Variants in RDX observed in about 807,000 individuals in gnomAD.
RDX encodes deafness, autosomal recessive 24.
In RDX, 32 loss-of-function variants were observed where a neutral mutation model predicts 83.7. The observed-to-expected ratio is 0.38, with a 90% CI of 0.29 to 0.51. The LOEUF (loss-of-function observed/expected upper bound fraction) is 0.51, where lower values mean the gene tolerates loss of function less well. Among genes scored for constraint, RDX ranks in the 20% least tolerant of loss-of-function variants. RDX has a pLI of 0.87. For missense variants in RDX, 600 were observed against 689.9 expected (o/e 0.87, Z 1.46); for synonymous variants, 229 against 222.7 (o/e 1.03, Z -0.25).
intron 8 of RDX, among the ~76,000 whole-genome samples, 169 bp downstream of exon 8, chr11:110,255,120 T>G (rs1217520436): frequency 6.6e-6 from 1 of 152,152 alleles, no homozygotes; most frequent in Non-Finnish European, 1.5e-5. Flanking sequence ...AATTAAATCT[T>G]TGGATTTTTA....
In RDX at chr11:110,182,370, G is replaced by A. The variant is rs1377271912; in HGVS notation, c.*32-7136C>T. Among the ~76,000 whole-genome samples, 4 of 152,342 alleles carry A rather than the reference G, an allele frequency of 2.6e-5. No individual in the cohort carries two copies. The East Asian group carries it at 7.7e-4, about 29-fold the overall frequency. On this transcript the variant is annotated intron_variant, in intron 15 of 15. Coordinates refer to the RDX transcript ENST00000528498. ...TAATCCCAGCACTTTGGGAAACCAA[G>A]GTCCTTGGATTGCTGGGCTCAGGAG... is the stretch of plus-strand genomic sequence containing the variant.
In RDX at chr11:110,233,372, G is replaced by A. The variant is rs147104445; in HGVS notation, c.1452C>T (p.Asn484=). ...TATTCTCATCGTGTTCATCATGTTCGTTTTCTGTTGGAGGAATGACTGGTG... is the reference window on the plus strand; with the variant it reads ...TATTCTCATCGTGTTCATCATGTTCATTTTCTGTTGGAGGAATGACTGGTG... ...PPPPVIPPTE[N]EHDEHDENNA... is the part of the protein sequence containing the mutation. Residue 484 remains asparagine (N), a synonymous_variant, in exon 13 of 14, where the codon AAC becomes AAT. Transcript: ENST00000645495. The A allele has an allele frequency of 2.9e-5, 47 of 1,613,918 alleles. No individual in the cohort carries two copies. Among genetic ancestry groups the A allele is most frequent in the Non-Finnish European group, 3.3e-5 (39 of 1,180,018 alleles).
intron 15 of RDX, among the ~76,000 whole-genome samples, chr11:110,194,952 G>T (rs996412493): frequency 6.6e-6 from 1 of 151,632 alleles, no homozygotes; most frequent in Non-Finnish European, 1.5e-5. Flanking sequence ...CTTGAAGGCT[G>T]TAAGAGTGAC....
chr11:110,179,589 A>G (rs921039537), intron 15 of RDX, among the ~76,000 whole-genome samples: 4 of 152,164 alleles, frequency 2.6e-5, no homozygotes, highest in Non-Finnish European at 5.9e-5. Flanking sequence ...CCTGGTCAAC[A>G]TGGCAAAACC....
chr11:110,282,090 A>G (rs1428238289), intron 1 of RDX, among the ~76,000 whole-genome samples: 1 of 152,186 alleles, frequency 6.6e-6, no homozygotes, highest in Non-Finnish European at 1.5e-5. Context: ...CCCCATCTCA[A>G]AAAACAAACA....
intron 9 of RDX, among the ~76,000 whole-genome samples, chr11:110,252,563 C>T (rs985294407): frequency 2.6e-5 from 4 of 151,736 alleles, no homozygotes; most frequent in African/African-American, 4.8e-5. Context: ...ATCTTTAAGA[C>T]GATTTAAAAA....
chr11:110,263,062 G>C (rs1859866608), intron 5 of RDX, among the ~76,000 whole-genome samples: 2 of 151,760 alleles, frequency 1.3e-5, no homozygotes, highest in Admixed American at 1.3e-4. Flanking sequence ...ATCACTTGAG[G>C]TCAGGAGTTC....
At chr11:110,236,069 A>G (rs539378026) in intron 12 of RDX, 30 bp downstream of exon 12, 1 of 1,458,842 alleles carries the variant, frequency 6.9e-7, no homozygotes, top group South Asian at 1.1e-5. Context: ...AAGCTATTCA[A>G]TAAAAGCTAG....
At chr11:110,257,623 G>T in intron 7 of RDX, 144 bp downstream of exon 7, 2 of 822,800 alleles carry the variant, frequency 2.4e-6, no homozygotes, top group Non-Finnish European at 4.1e-6. Context: ...ATATCTACAA[G>T]TCTATGTGTC....
chr11:110,277,010 G>A (rs981759114), intron 2 of RDX, among the ~76,000 whole-genome samples: 7 of 152,092 alleles, frequency 4.6e-5, no homozygotes, highest in Non-Finnish European at 7.4e-5. Context: ...ATAATATATC[G>A]TATATTCATC....
chr11:110,277,244 C>CA (rs1246774635), intron 2 of RDX, among the ~76,000 whole-genome samples: 6 of 152,298 alleles, frequency 3.9e-5, no homozygotes, highest in African/African-American at 9.6e-5. Flanking sequence ...ACATTCCTAA[C>CA]AAAAATACAA....
downstream of RDX, among the ~76,000 whole-genome samples, chr11:110,225,655 TGTTA>T (rs907650152): frequency 2.6e-5 from 4 of 152,008 alleles, no homozygotes; most frequent in African/African-American, 9.7e-5. Flanking sequence ...AAATAACAAT[TGTTA>T]GTGAGGATGT....
intron 15 of RDX, chr11:110,196,275 C>T (rs755445391): frequency 6.6e-5 from 10 of 152,188 alleles, no homozygotes; most frequent in Non-Finnish European, 8.8e-5. Context: ...CCCTGAATGT[C>T]TTTGCACATT....
At chr11:110,287,922 G>A (rs1329968938) in intron 1 of RDX, among the ~76,000 whole-genome samples, 1 of 152,164 alleles carries the variant, frequency 6.6e-6, no homozygotes, top group African/African-American at 2.4e-5. Flanking sequence ...ACTTTTCTCA[G>A]ATACCATTTT....
intron 15 of RDX, among the ~76,000 whole-genome samples, chr11:110,193,849 T>G (rs934278420): frequency 6.6e-6 from 1 of 152,222 alleles, no homozygotes; most frequent in Non-Finnish European, 1.5e-5. Flanking sequence ...AACCAAACTT[T>G]TGATTATACA....
intron 10 of RDX, among the ~76,000 whole-genome samples, chr11:110,242,317 G>A (rs910598208): frequency 6.6e-6 from 1 of 151,814 alleles, no homozygotes; most frequent in African/African-American, 2.4e-5. Context: ...GCCAGACATG[G>A]TGGCAGCCAC....
chr11:110,213,332 A>G (rs1203624792), intron 14 of RDX, among the ~76,000 whole-genome samples: 1 of 104,872 alleles, frequency 9.5e-6, no homozygotes, highest in East Asian at 3.1e-4. Context: ...GCTCAAGGAA[A>G]TAAAAGAGGA....
chr11:110,221,048 C>T (rs545729806), intron 14 of RDX, among the ~76,000 whole-genome samples: 2 of 152,104 alleles, frequency 1.3e-5, no homozygotes, highest in African/African-American at 2.4e-5. Flanking sequence ...AGGATCAGAC[C>T]TCAGTGGCAG....
chr11:110,206,977 ATTTTAT>A lies in RDX; in HGVS notation c.1749-7305_1749-7300del, dbSNP rs1319981505. Among the ~76,000 whole-genome samples the A allele has an allele frequency of 2.0e-5, 3 of 151,764 alleles. No individual in the cohort carries two copies. The East Asian group carries it at 5.8e-4, about 29-fold the overall frequency. On this transcript the variant is annotated intron_variant, in intron 14 of 15. Transcript: ENST00000528498. ...TTAAAACACGCAATTATTTTATTTT[ATTTTAT>A]TTTTTTTGTGGCATGGTCTCGCTCT...
Sources: allele counts gnomAD v4.1 joint callset (sites outside exome capture counted in the v4.1 genomes callset), GRCh38; gene constraint gnomAD v4.1.1; transcripts MANE v1.5; gene names NCBI Gene and HGNC (gene_info 2026-07-23, HGNC 2026-07-21).